The following HDAC4 variants were observed in gnomAD, a reference collection of about 807,000 sequenced individuals.
The protein encoded by HDAC4 is histone deacetylase A.
Under a neutral mutation model 135.1 loss-of-function variants are expected in HDAC4, and 16 were observed. The observed-to-expected ratio is 0.12, with a 90% CI of 0.08 to 0.18. The LOEUF (loss-of-function observed/expected upper bound fraction) is 0.18, where lower values mean the gene tolerates loss of function less well. HDAC4 is among the 10% of genes least tolerant of loss of function. The pLI is 1.00. For missense variants in HDAC4, 1,143 were observed against 1,511.8 expected (o/e 0.76, Z 4.05); for synonymous variants, 685 against 653.4 (o/e 1.05, Z -0.74).
At chr2:239,387,480 G>T (rs1198359695) in intron 1 of HDAC4, among the ~76,000 whole-genome samples, 1 of 152,192 alleles carries the variant, frequency 6.6e-6, no homozygotes, top group Non-Finnish European at 1.5e-5. Context: ...TCTTAGAGGT[G>T]TGCAGGTTTG....
chr2:239,187,782 G>A (rs543540433), intron 4 of HDAC4, among the ~76,000 whole-genome samples: 63 of 152,308 alleles, frequency 4.1e-4, no homozygotes, highest in South Asian at 1.2e-3. Context: ...ACTCGAGTGT[G>A]CTTGTTAAAG....
rs2048123669 is a variant in HDAC4, at chr2:239,240,624, G to A, written c.23-3960C>T. Among the ~76,000 whole-genome samples the A allele has an allele frequency of 1.3e-5, 2 of 152,306 alleles. No individual in the cohort carries two copies. Among genetic ancestry groups the A allele is most frequent in the Non-Finnish European group, 1.5e-5 (1 of 68,030 alleles). ...TTTGGAAACCCTGCTGGACAGGGAC[G>A]ATCGTACTGAGTGTCCTCAAACAGC... On this transcript the variant is annotated intron_variant, in intron 2 of 26. Transcript: ENST00000543185. The surrounding 1 kb of genome is among the most constrained non-coding windows in gnomAD (Gnocchi z 4.5).
At chr2:239,069,662 C>T (rs1443449138) in intron 22 of HDAC4, among the ~76,000 whole-genome samples, 1 of 96,192 alleles carries the variant, frequency 1.0e-5, no homozygotes, top group African/African-American at 3.4e-5. Flanking sequence ...AGTCACGGTG[C>T]AAGCCAGCAA....
At chr2:239,094,834 G>T (rs1206224720) in intron 17 of HDAC4, 176 bp downstream of exon 17, 4 of 1,505,558 alleles carry the variant, frequency 2.7e-6, no homozygotes, top group Non-Finnish European at 3.6e-6. Context: ...TGCCCGAGTC[G>T]GCGATCAAAA....
chr2:239,147,212 C>G (rs890621064), intron 7 of HDAC4, among the ~76,000 whole-genome samples: 12 of 152,174 alleles, frequency 7.9e-5, no homozygotes, highest in African/African-American at 2.9e-4. Flanking sequence ...CTGGGGAGAA[C>G]AGAGAAGCCC....
rs766756488 is a variant in HDAC4 at position 239,126,711 on chromosome 2, G to A, written c.1295-17C>T. 1.9e-6 allele frequency: 3 copies of A among 1,611,752 alleles called. No individual in the cohort carries two copies. The highest frequency in any genetic ancestry group is 2.5e-6 in the Non-Finnish European group (3 of 1,179,414). ...GATACCAGTCTGAAGATAATTGGAG[G>A]AAGAAACAGCAGAGGGGAAGAGGAA... is the stretch of plus-strand genomic sequence containing the variant. On this transcript the variant is annotated splice_polypyrimidine_tract_variant and intron_variant, in intron 11 of 26. Coordinates refer to ENST00000543185, the MANE Select transcript of HDAC4 (RefSeq NM_001378414.1).
chr2:239,237,346 G>C (rs1236900913), intron 2 of HDAC4, among the ~76,000 whole-genome samples: 4 of 152,062 alleles, frequency 2.6e-5, no homozygotes, highest in African/African-American at 9.7e-5. Context: ...CAAGCAGAAA[G>C]GAAAGAAAAC....
chr2:239,100,277 C>T (rs963636428), intron 16 of HDAC4, among the ~76,000 whole-genome samples: 8 of 152,250 alleles, frequency 5.3e-5, no homozygotes, highest in Non-Finnish European at 8.8e-5. Context: ...GCCTTCTTCT[C>T]CATCATCTCA....
chr2:239,305,992 C>G (rs916346327), intron 2 of HDAC4, among the ~76,000 whole-genome samples: 1 of 152,206 alleles, frequency 6.6e-6, no homozygotes, highest in Non-Finnish European at 1.5e-5. Flanking sequence ...CCTGGGCAAG[C>G]ACAGTGTCTG....
intron 3 of HDAC4, among the ~76,000 whole-genome samples, chr2:239,197,847 T>TGTGTGTGTGTGTG (rs2045494871): frequency 2.1e-5 from 3 of 140,126 alleles, no homozygotes; most frequent in South Asian, 4.9e-4. Flanking sequence ...CACTAAAAGT[T>TGTGTGTGTGTGTG]TGTGTGTGTG....
intron 24 of HDAC4, among the ~76,000 whole-genome samples, chr2:239,056,915 C>T (rs2031938986): frequency 6.6e-6 from 1 of 152,306 alleles, no homozygotes; most frequent in Admixed American, 6.5e-5. Context: ...CAAACATGAA[C>T]TGAAGGGCAG....
At chr2:239,315,742 C>T (rs1282451515) in intron 2 of HDAC4, among the ~76,000 whole-genome samples, 2 of 152,132 alleles carry the variant, frequency 1.3e-5, no homozygotes, top group South Asian at 2.1e-4. Context: ...TAACACCATA[C>T]ACAAGGGTAA....
intron 6 of HDAC4, among the ~76,000 whole-genome samples, chr2:239,160,320 T>C (rs1043849325): frequency 6.6e-6 from 1 of 152,258 alleles, no homozygotes; most frequent in African/African-American, 2.4e-5. Flanking sequence ...TCTGCATCTA[T>C]GGCATGTCCT....
At chr2:239,097,573 A>C (rs2037220999) in intron 16 of HDAC4, among the ~76,000 whole-genome samples, 1 of 152,234 alleles carries the variant, frequency 6.6e-6, no homozygotes, top group African/African-American at 2.4e-5. Context: ...TGCCTTGGTG[A>C]CAGCAAGTAG....
intron 2 of HDAC4, among the ~76,000 whole-genome samples, chr2:239,263,965 G>A (rs75925324): frequency 1.5e-3 from 224 of 152,334 alleles, no homozygotes; most frequent in African/African-American, 5.1e-3. Context: ...GGAAGGGTAC[G>A]TGGGCACCTC....
At chr2:239,173,473 C>G (rs746366553) in intron 5 of HDAC4, among the ~76,000 whole-genome samples, 1 of 152,070 alleles carries the variant, frequency 6.6e-6, no homozygotes, top group Non-Finnish European at 1.5e-5. Flanking sequence ...ATTGAAACCC[C>G]GAGCAAACAA....
At chr2:239,369,067 A>C (rs1694420239) in intron 1 of HDAC4, among the ~76,000 whole-genome samples, 1 of 152,062 alleles carries the variant, frequency 6.6e-6, no homozygotes, top group African/African-American at 2.4e-5. Flanking sequence ...ACCTGCACAC[A>C]CAGGCAGTGG....
intron 2 of HDAC4, among the ~76,000 whole-genome samples, chr2:239,269,295 CCA>C (rs907980810): frequency 1.3e-5 from 2 of 150,620 alleles, no homozygotes; most frequent in African/African-American, 4.9e-5. Flanking sequence ...ATTCACACAC[CCA>C]CACACATTCA....
intron 7 of HDAC4, among the ~76,000 whole-genome samples, chr2:239,149,655 G>C (rs140853770): frequency 1.3e-5 from 2 of 152,152 alleles, no homozygotes; most frequent in Admixed American, 1.3e-4. Flanking sequence ...GGGCAGCCCC[G>C]CTGCCCAGCT....
Sources: allele counts gnomAD v4.1 joint callset (sites outside exome capture counted in the v4.1 genomes callset), GRCh38; gene constraint gnomAD v4.1.1; non-coding constraint Gnocchi (gnomAD v3.1); transcripts MANE v1.5; gene names NCBI Gene and HGNC (gene_info 2026-07-23, HGNC 2026-07-21).